Variants in PRKD1 observed in about 807,000 individuals in gnomAD.
The protein encoded by PRKD1 is serine/threonine-protein kinase D1.
PRKD1 carries 63 observed loss-of-function variants against 95.9 expected under a neutral mutation model. The observed-to-expected ratio is 0.66, with a 90% CI of 0.54 to 0.81. The LOEUF is 0.81. Among genes scored for constraint, PRKD1 ranks in the 30% least tolerant of loss-of-function variants. PRKD1 has a pLI of 0.00. For synonymous variants in PRKD1, 425 were observed against 423.1 expected (o/e 1.00, Z -0.05); for missense variants, 1,048 against 1,165.3 (o/e 0.90, Z 1.47).
intron 12 of PRKD1, 65 bp from the exon 13 acceptor site, chr14:29,624,323 A>G: frequency 8.7e-7 from 1 of 1,149,172 alleles, no homozygotes; most frequent in Non-Finnish European, 1.2e-6. Flanking sequence ...AGAACACTAA[A>G]ATTTGCAAGG....
At chr14:29,609,835 A>T (rs2139044731) in intron 13 of PRKD1, among the ~76,000 whole-genome samples, 1 of 151,584 alleles carries the variant, frequency 6.6e-6, no homozygotes, top group Non-Finnish European at 1.5e-5. Context: ...CTGAAATTAC[A>T]GGCATAAGCC....
chr14:29,916,918 T>C (rs1367871959), intron 1 of PRKD1, among the ~76,000 whole-genome samples: 1 of 152,084 alleles, frequency 6.6e-6, no homozygotes, highest in South Asian at 2.1e-4. Context: ...ATTCTAACCA[T>C]GATCTCCTAA....
intron 2 of PRKD1, among the ~76,000 whole-genome samples, chr14:29,681,317 T>C (rs1883528216): frequency 6.6e-6 from 1 of 152,174 alleles, no homozygotes; most frequent in African/African-American, 2.4e-5. Flanking sequence ...TAAGTGAGCT[T>C]CCTGGCCCTT....
intron 1 of PRKD1, among the ~76,000 whole-genome samples, chr14:29,783,474 T>C (rs945057256): frequency 1.3e-5 from 2 of 152,236 alleles, no homozygotes; most frequent in Admixed American, 1.3e-4. Context: ...AGATATCCCT[T>C]TGATATACTG....
chr14:29,717,674 AT>A (rs1238903635), intron 2 of PRKD1, among the ~76,000 whole-genome samples: 1 of 152,166 alleles, frequency 6.6e-6, no homozygotes. Context: ...CACTATTGTT[AT>A]TATTATTTCT....
intron 13 of PRKD1, among the ~76,000 whole-genome samples, chr14:29,600,354 CA>C (rs35608497): frequency 9.3e-5 from 14 of 150,770 alleles, no homozygotes; most frequent in South Asian, 8.4e-4. Context: ...AAAATAGCAA[CA>C]AAAAAAAAGT....
At chr14:29,734,045 T>C (rs1886592942) in intron 1 of PRKD1, among the ~76,000 whole-genome samples, 1 of 126,398 alleles carries the variant, frequency 7.9e-6, no homozygotes, top group Non-Finnish European at 1.6e-5. Flanking sequence ...TTTTTTTTTT[T>C]TTTTTTTTTT....
chr14:29,665,343 T>C (rs562026433), intron 3 of PRKD1, among the ~76,000 whole-genome samples: 2 of 152,306 alleles, frequency 1.3e-5, no homozygotes, highest in South Asian at 4.1e-4. Flanking sequence ...TTTATGTTCA[T>C]TGTACACAAT....
chr14:29,605,055 C>T (rs1349920137), intron 13 of PRKD1, among the ~76,000 whole-genome samples: 2 of 152,094 alleles, frequency 1.3e-5, no homozygotes, highest in Non-Finnish European at 2.9e-5. Context: ...GTAATAGAGC[C>T]CACCTCCTTC....
intron 1 of PRKD1, among the ~76,000 whole-genome samples, chr14:29,842,258 T>C (rs1417729194): frequency 1.3e-5 from 2 of 152,250 alleles, no homozygotes; most frequent in Non-Finnish European, 2.9e-5. Context: ...AGCAAATACA[T>C]AAATCAGCAA....
intron 1 of PRKD1, among the ~76,000 whole-genome samples, chr14:29,845,188 C>T (rs925271463): frequency 1.1e-4 from 17 of 152,068 alleles, no homozygotes; most frequent in African/African-American, 4.1e-4. Context: ...CAAATGTTTT[C>T]TTGTTGAAGG....
chr14:29,790,521 C>A (rs4417471), intron 1 of PRKD1, among the ~76,000 whole-genome samples: 10 of 152,096 alleles, frequency 6.6e-5, no homozygotes, highest in African/African-American at 9.7e-5. Context: ...GCCAGCCCCA[C>A]GGGATTTTTT....
chr14:29,757,620 G>A (rs542651073), intron 1 of PRKD1, among the ~76,000 whole-genome samples: 7 of 151,010 alleles, frequency 4.6e-5, no homozygotes, highest in Non-Finnish European at 7.4e-5. Context: ...AAATTTAATT[G>A]GTTTTATTAT....
At chr14:29,891,198 A>G (rs1305043700) in intron 1 of PRKD1, among the ~76,000 whole-genome samples, 1 of 152,198 alleles carries the variant, frequency 6.6e-6, no homozygotes, top group East Asian at 1.9e-4. Flanking sequence ...ACTCCTTTAA[A>G]GTAGTATAAT....
chr14:29,656,014 C>G (rs527523968), intron 4 of PRKD1, among the ~76,000 whole-genome samples: 2 of 151,946 alleles, frequency 1.3e-5, no homozygotes, highest in African/African-American at 4.8e-5. Context: ...AGGCAGTATA[C>G]TGGGATGGTG....
At chr14:29,665,686 G>C (rs1027517289) in intron 3 of PRKD1, among the ~76,000 whole-genome samples, 1 of 152,034 alleles carries the variant, frequency 6.6e-6, no homozygotes, top group Non-Finnish European at 1.5e-5. Context: ...TGGATAAAGA[G>C]AATGTGGAGT....
chr14:29,615,145 TGC>T (rs1878767849), intron 13 of PRKD1, among the ~76,000 whole-genome samples: 1 of 151,814 alleles, frequency 6.6e-6, no homozygotes. Context: ...CAAGGAATGT[TGC>T]AAAATGTACT....
At chr14:29,723,816 G>A (rs1886015431) in intron 2 of PRKD1, among the ~76,000 whole-genome samples, 1 of 152,118 alleles carries the variant, frequency 6.6e-6, no homozygotes, top group South Asian at 2.1e-4. Context: ...CAAAATAGCT[G>A]GTAAGAGTAA....
chr14:29,783,046 A>G (rs1889118880), intron 1 of PRKD1, among the ~76,000 whole-genome samples: 1 of 152,196 alleles, frequency 6.6e-6, no homozygotes, highest in African/African-American at 2.4e-5. Flanking sequence ...GAAACATAAA[A>G]TAAATCATTG....
Sources: allele counts gnomAD v4.1 joint callset (sites outside exome capture counted in the v4.1 genomes callset), GRCh38; gene constraint gnomAD v4.1.1; transcripts MANE v1.5; gene names NCBI Gene and HGNC (gene_info 2026-07-23, HGNC 2026-07-21).